SASH1: variants seen among roughly 807,000 people sequenced by gnomAD.
SASH1 encodes the protein SAM and SH3 domain-containing protein 1.
Under a neutral mutation model 125.2 loss-of-function variants are expected in SASH1, and 44 were observed. The ratio of observed to expected loss-of-function variants is 0.35; its 90% CI spans 0.28 to 0.45. The LOEUF (loss-of-function observed/expected upper bound fraction) is 0.45, where lower values mean the gene tolerates loss of function less well. Ranked by LOEUF, SASH1 falls within the 20% of genes least tolerant of loss-of-function variation. The pLI is 1.00. For synonymous variants in SASH1, 639 were observed against 649.1 expected, an observed-to-expected ratio of 0.98 and a Z score of 0.24; for missense variants, 1,426 against 1,614.5, an observed-to-expected ratio of 0.88 and a Z score of 2.00.
At chr6:148,449,078 C>CTTTTTCTTTTTTTTTTTCTT in intron 4 of SASH1, among the ~76,000 whole-genome samples, 32 of 88,696 alleles carry the variant, frequency 3.6e-4, no homozygotes, top group African/African-American at 9.9e-4. Context: ...CATTTCATTT[C>CTTTTTCTTTTTTTTTTTCTT]TTTTTTTTTT....
rs1262897696 is a variant in SASH1 at position 148,533,256 on chromosome 6, CCTGCTCCACACACCTGGTTT to C, written c.1734+294_1734+313del. ...ACACCCTCCCTCTCCCCACCTGGCTCCTGCTCCACACACCTGGTTTCTGTGTTTTCTCCATCTGAAGAAAG... is the reference window on the plus strand; with the variant it reads ...ACACCCTCCCTCTCCCCACCTGGCTCCTGTGTTTTCTCCATCTGAAGAAAG... On this transcript the variant is annotated intron_variant, in intron 14 of 19. Coordinates refer to ENST00000367467, the MANE Select transcript of SASH1 (RefSeq NM_015278.5). This position sits in a 1 kb window ranked among gnomAD's most constrained non-coding sequence, Gnocchi z 6.2. Among the ~76,000 whole-genome samples, 1 of 152,186 alleles carries C rather than the reference CCTGCTCCACACACCTGGTTT, an allele frequency of 6.6e-6. No homozygotes were observed. The highest frequency in any genetic ancestry group is 2.4e-5 in the African/African-American group (1 of 41,446).
the SASH1 span, among the ~76,000 whole-genome samples, chr6:148,212,652 A>G: frequency 6.6e-6 from 1 of 152,220 alleles, no homozygotes; most frequent in Non-Finnish European, 1.5e-5. Flanking sequence ...GAATAGAATT[A>G]CATGTGTGGA....
intron 1 of SASH1, among the ~76,000 whole-genome samples, chr6:148,307,559 A>C (rs1333631062): frequency 6.6e-6 from 1 of 152,128 alleles, no homozygotes; most frequent in African/African-American, 2.4e-5. Context: ...GGCTGCCCCA[A>C]GGCTCCAAGC....
At chr6:148,356,795 G>A (rs1315243799) in intron 1 of SASH1, among the ~76,000 whole-genome samples, 1 of 152,156 alleles carries the variant, frequency 6.6e-6, no homozygotes. Context: ...GGTTGTACTA[G>A]TTTACATTCC....
chr6:148,229,297 A>C, the SASH1 span, among the ~76,000 whole-genome samples: 1 of 152,198 alleles, frequency 6.6e-6, no homozygotes, highest in African/African-American at 2.4e-5. Context: ...AACAACTCAC[A>C]TAAAAGACTT....
chr6:148,353,154 G>T (rs1029911581), intron 1 of SASH1, among the ~76,000 whole-genome samples: 1 of 151,280 alleles, frequency 6.6e-6, no homozygotes, highest in Admixed American at 6.6e-5. Context: ...CTGCTGCCTC[G>T]CCTCCCTGTG....
chr6:148,393,276 T>C (rs1001224976), intron 2 of SASH1, among the ~76,000 whole-genome samples: 1 of 151,118 alleles, frequency 6.6e-6, no homozygotes, highest in Non-Finnish European at 1.5e-5. Flanking sequence ...GTCAGGCTGG[T>C]CTCAAACTCC....
At chr6:148,291,483 C>G (rs1328202825) in intron 1 of SASH1, among the ~76,000 whole-genome samples, 8 of 152,194 alleles carry the variant, frequency 5.3e-5, no homozygotes, top group Admixed American at 3.9e-4. Flanking sequence ...GAGTTCAAGA[C>G]CAGCCTGGCC....
At chr6:148,308,583 A>C (rs1320210433) in intron 1 of SASH1, among the ~76,000 whole-genome samples, 1 of 151,010 alleles carries the variant, frequency 6.6e-6, no homozygotes, top group African/African-American at 2.4e-5. Flanking sequence ...TTTAGTAGAG[A>C]TAGGGTTTCA....
At chr6:148,270,904 CTTTTTT>C (rs780443533), upstream of SASH1, among the ~76,000 whole-genome samples, 1 of 127,616 alleles carries the variant, frequency 7.8e-6, no homozygotes, top group African/African-American at 3.0e-5. Flanking sequence ...TCATCCACAA[CTTTTTT>C]TTTTTTTTTT....
intron 1 of SASH1, among the ~76,000 whole-genome samples, chr6:148,307,037 TTTCTTTCTTTCTTTCTTTCTTTC>T (rs1780150036): frequency 1.4e-5 from 1 of 71,490 alleles, no homozygotes; most frequent in Admixed American, 1.5e-4. Flanking sequence ...TCTTTCTTTC[TTTCTTTCTTTCTTTCTTTCTTTC>T]TTTCTTTCTT....
At chr6:148,402,551 C>T (rs1396490127) in intron 2 of SASH1, among the ~76,000 whole-genome samples, 2 of 152,046 alleles carry the variant, frequency 1.3e-5, no homozygotes, top group Non-Finnish European at 2.9e-5. Context: ...TCAAATGATC[C>T]GCCTGCCTTG....
the SASH1 span, among the ~76,000 whole-genome samples, chr6:148,249,524 G>T: frequency 6.6e-6 from 1 of 152,320 alleles, no homozygotes; most frequent in African/African-American, 2.4e-5. Flanking sequence ...TAAGCTTTCG[G>T]TCTAGACAGA....
intron 4 of SASH1, 198 bp downstream of exon 4, chr6:148,440,605 G>A (rs1328267556): frequency 8.7e-6 from 5 of 576,558 alleles, no homozygotes; most frequent in East Asian, 5.6e-5. Flanking sequence ...TGATGTCTGA[G>A]GATTTTGTGA....
chr6:148,496,197 G>A (rs1039809503), intron 8 of SASH1, among the ~76,000 whole-genome samples: 5 of 152,074 alleles, frequency 3.3e-5, no homozygotes, highest in African/African-American at 9.7e-5. Flanking sequence ...CTGAATAAGC[G>A]TTTTGCTTTT....
intron 4 of SASH1, among the ~76,000 whole-genome samples, chr6:148,452,985 G>A (rs781509078): frequency 3.9e-5 from 6 of 152,250 alleles, no homozygotes; most frequent in South Asian, 2.1e-4. Context: ...GTGTGCACGC[G>A]TGCACCATTG....
At chr6:148,282,364 A>G (rs1379477063) in intron 1 of SASH1, among the ~76,000 whole-genome samples, 1 of 145,736 alleles carries the variant, frequency 6.9e-6, no homozygotes, top group East Asian at 2.1e-4. Flanking sequence ...CATCCTTCAC[A>G]GGCATCCTGC....
At chr6:148,503,930 C>T (rs1026621636) in intron 8 of SASH1, among the ~76,000 whole-genome samples, 1 of 152,096 alleles carries the variant, frequency 6.6e-6, no homozygotes, top group Admixed American at 6.6e-5. Flanking sequence ...TTTTTGCATT[C>T]TCCAAATTTT....
intron 1 of SASH1, among the ~76,000 whole-genome samples, chr6:148,290,636 A>G (rs987894472): frequency 2.6e-5 from 4 of 151,944 alleles, no homozygotes; most frequent in African/African-American, 4.8e-5. Flanking sequence ...GCGGTGCAAG[A>G]TGTGCTTTGT....
Sources: gnomAD v4.1 joint callset for allele counts (sites outside exome capture counted in the v4.1 genomes callset) on GRCh38, gnomAD v4.1.1 for gene constraint, Gnocchi (gnomAD v3.1) non-coding constraint, MANE v1.5 for transcripts, NCBI Gene and HGNC (gene_info 2026-07-23, HGNC 2026-07-21) for gene names.